The following THSD7B variants were observed in gnomAD, a reference collection of about 807,000 sequenced individuals.
The protein encoded by THSD7B is thrombospondin type-1 domain-containing protein 7B.
Under a neutral mutation model 213.6 loss-of-function variants are expected in THSD7B, and 138 were observed. The ratio of observed to expected loss-of-function variants is 0.65; its 90% confidence interval spans 0.56 to 0.74. THSD7B has a LOEUF of 0.74. THSD7B is among the 30% of genes least tolerant of loss of function. THSD7B has a pLI of 0.00. For synonymous variants in THSD7B, 742 were observed against 687.0 expected (o/e 1.08, Z -1.25); for missense variants, 1,931 against 1,991.5 (o/e 0.97, Z 0.58).
intron 10 of THSD7B, among the ~76,000 whole-genome samples, chr2:137,252,733 T>A (rs866513766): frequency 2.6e-5 from 4 of 152,186 alleles, no homozygotes; most frequent in South Asian, 4.1e-4. Context: ...TGCAGGAGCA[T>A]CCCTCCGGAG....
rs56403642 is a variant in THSD7B at position 137,415,055 on chromosome 2, C to CAAA, written c.2959+3197_2959+3199dup. On this transcript the variant is annotated intron_variant, in intron 14 of 27. Transcript: ENST00000409968. Reference sequence around the variant, plus strand: ...TAGGTGACAGAGCAAGACCCTGTCTCAAAAAAAAAAAAAAAATTATTATCA... The same window carrying CAAA: ...TAGGTGACAGAGCAAGACCCTGTCTCAAAAAAAAAAAAAAAAAAATTATTATCA... Among the ~76,000 whole-genome samples, 502 of 122,788 alleles carry CAAA rather than the reference C, an allele frequency of 4.1e-3. 10 individuals are homozygous for CAAA. Among genetic ancestry groups the CAAA allele is most frequent in the African/African-American group, 0.012 (425 of 35,458 alleles). The allele number at this position is 122,788 out of a possible 152,430, so 80.6% of individuals were successfully genotyped here. A position where few individuals can be genotyped will look rare whatever the true frequency, so the allele number is the denominator to read the frequency against.
rs1005674044 is a variant in THSD7B at position 137,028,447 on chromosome 2, T to C, written c.140-27973T>C. ...ATATGTCACTTAAAGGGAAATTTCATTGTTGCTCCAGAATGTAGATATTAC... is the reference window on the plus strand; with the variant it reads ...ATATGTCACTTAAAGGGAAATTTCACTGTTGCTCCAGAATGTAGATATTAC... On this transcript the variant is annotated intron_variant, in intron 2 of 27. Coordinates refer to ENST00000409968, the MANE Select transcript of THSD7B (RefSeq NM_001316349.2). Among the ~76,000 whole-genome samples the C allele has an allele frequency of 5.9e-5, 9 of 152,214 alleles. No homozygotes were observed. In the South Asian group the frequency reaches 1.0e-3, roughly 18 times the overall value.
intron 2 of THSD7B, among the ~76,000 whole-genome samples, chr2:136,885,723 T>A (rs551104778): frequency 1.2e-4 from 19 of 152,284 alleles, no homozygotes; most frequent in African/African-American, 4.6e-4. Flanking sequence ...ACTTATTGAG[T>A]CCTTACTGTG....
At position 137,592,199 on chromosome 2, in the gene THSD7B, T is replaced by C. The variant is rs79208711; in HGVS notation, c.3423+19643T>C. 5.9e-3 allele frequency among the ~76,000 whole-genome samples: 894 copies of C among 151,936 alleles called. 9 individuals carry two copies. The highest frequency in any genetic ancestry group is 0.02 in the African/African-American group (849 of 41,536). On this transcript the variant is annotated intron_variant, in intron 17 of 27. Coordinates refer to ENST00000409968, the MANE Select transcript of THSD7B (RefSeq NM_001316349.2). Reference sequence around the variant, plus strand: ...AAACTTAAATACATATTTCTCTGCATTACAAATGTATAAACAAAAAATTCA... The same window carrying C: ...AAACTTAAATACATATTTCTCTGCACTACAAATGTATAAACAAAAAATTCA...
chr2:136,844,502 G>T (rs1682971115), intron 1 of THSD7B, among the ~76,000 whole-genome samples: 1 of 148,260 alleles, frequency 6.7e-6, no homozygotes. Context: ...GAGACAGAGA[G>T]ATCGGTTTTC....
At chr2:137,033,044 T>C (rs1163960221) in intron 2 of THSD7B, among the ~76,000 whole-genome samples, 1 of 152,222 alleles carries the variant, frequency 6.6e-6, no homozygotes, top group Non-Finnish European at 1.5e-5. Context: ...TTTCCAATGA[T>C]TCAAGTTCAT....
At chr2:136,842,308 G>C (rs1682932415) in intron 1 of THSD7B, among the ~76,000 whole-genome samples, 1 of 152,174 alleles carries the variant, frequency 6.6e-6, no homozygotes, top group Non-Finnish European at 1.5e-5. Context: ...AGTACTAACA[G>C]TGTGAAACAG....
intron 2 of THSD7B, chr2:136,990,961 G>A: frequency 1.5e-6 from 2 of 1,328,212 alleles, no homozygotes; most frequent in African/African-American, 1.5e-5. Flanking sequence ...ATCAGATGTG[G>A]GAAAGACATC....
chr2:137,288,938 T>G (rs1683251253), intron 12 of THSD7B, among the ~76,000 whole-genome samples: 1 of 152,076 alleles, frequency 6.6e-6, no homozygotes, highest in Non-Finnish European at 1.5e-5. Context: ...CTTTGAAATG[T>G]GAGGGACATG....
At chr2:137,472,120 T>A (rs935731726) in intron 15 of THSD7B, among the ~76,000 whole-genome samples, 1 of 152,226 alleles carries the variant, frequency 6.6e-6, no homozygotes, top group Non-Finnish European at 1.5e-5. Flanking sequence ...CATATTGCAG[T>A]GCTGTGTTTA....
chr2:137,088,443 T>C (rs962834426), intron 3 of THSD7B, among the ~76,000 whole-genome samples: 2 of 151,820 alleles, frequency 1.3e-5, no homozygotes, highest in Non-Finnish European at 2.9e-5. Context: ...AGAAAGAAAC[T>C]GGATCCTCAT....
At chr2:137,137,816 T>C (rs977440569) in intron 5 of THSD7B, among the ~76,000 whole-genome samples, 1 of 152,166 alleles carries the variant, frequency 6.6e-6, no homozygotes, top group African/African-American at 2.4e-5. Context: ...TGTATGAATA[T>C]GGCAGTTTAC....
intron 12 of THSD7B, among the ~76,000 whole-genome samples, chr2:137,403,846 A>T (rs1322211389): frequency 1.3e-5 from 2 of 152,176 alleles, no homozygotes; most frequent in Admixed American, 1.3e-4. Flanking sequence ...AGAGGGGTGG[A>T]TGCTACTGGC....
At chr2:137,258,310 A>G (rs1398974949) in intron 10 of THSD7B, among the ~76,000 whole-genome samples, 2 of 152,060 alleles carry the variant, frequency 1.3e-5, no homozygotes, top group African/African-American at 4.8e-5. Flanking sequence ...TTACTAATTT[A>G]TTTTTAATAT....
Position 137,676,605 on chromosome 2 carries a change from A to C in THSD7B, c.4821A>C (p.Ter1607TyrextTer8). The C allele has an allele frequency of 6.4e-7, 1 of 1,570,228 alleles. No individual in the cohort carries two copies. Among genetic ancestry groups the C allele is most frequent in the East Asian group, 2.3e-5 (1 of 43,378 alleles). ...CCTACGATGGAGACTTAGACATGTA[A>C]TCTGAAAAAGAAATCCAAATGTAGA... ...TLAYDGDLDM[*>Y] Residue 1607 changes from the stop codon to tyrosine (Y), a stop_lost, in exon 28 of 28, where the codon TAA becomes TAC. Coordinates refer to ENST00000409968, the MANE Select transcript of THSD7B (RefSeq NM_001316349.2).
intron 27 of THSD7B, among the ~76,000 whole-genome samples, chr2:137,675,548 C>G (rs529018205): frequency 6.6e-6 from 1 of 151,474 alleles, no homozygotes; most frequent in African/African-American, 2.4e-5. Context: ...GGAAGGTAAA[C>G]AGCCTTGGTA....
rs1275374207 is a variant in THSD7B, at chr2:137,557,685, G to T, written c.3139-5536G>T. Among the ~76,000 whole-genome samples, 7 of 152,242 alleles carry T rather than the reference G, an allele frequency of 4.6e-5. No individual in the cohort carries two copies. The East Asian group carries it at 1.4e-3, about 29-fold the overall frequency. ...AAAGCAAGAGCAAACACATTCAAAA[G>T]CTAGCAGAAGGCAAGAAATAACTAA... On this transcript the variant is annotated intron_variant, in intron 15 of 27. Coordinates refer to ENST00000409968, the MANE Select transcript of THSD7B (RefSeq NM_001316349.2).
chr2:137,587,455 A>G (rs1681760932), intron 17 of THSD7B, among the ~76,000 whole-genome samples: 1 of 151,970 alleles, frequency 6.6e-6, no homozygotes, highest in Admixed American at 6.5e-5. Context: ...TTTTTTCCCC[A>G]TCTTTGTGGT....
chr2:137,342,656 T>C (rs1430441546), intron 12 of THSD7B, among the ~76,000 whole-genome samples: 3 of 151,630 alleles, frequency 2.0e-5, no homozygotes, highest in Non-Finnish European at 3.0e-5. Flanking sequence ...TTCTCATATA[T>C]GGCCTTTATT....
Sources: allele counts gnomAD v4.1 joint callset (sites outside exome capture counted in the v4.1 genomes callset), GRCh38; gene constraint gnomAD v4.1.1; transcripts MANE v1.5; gene names NCBI Gene and HGNC (gene_info 2026-07-23, HGNC 2026-07-21).